PTPRN2: variants seen among roughly 807,000 people sequenced by gnomAD.
PTPRN2 encodes receptor-type tyrosine-protein phosphatase N2.
A neutral mutation model predicts 118.8 loss-of-function variants in PTPRN2; 74 were observed. The observed-to-expected ratio is 0.62, with a 90% CI of 0.52 to 0.76. PTPRN2 has a LOEUF of 0.76. Among genes scored for constraint, PTPRN2 ranks in the 30% least tolerant of loss-of-function variants. The pLI is 0.00. For synonymous variants in PTPRN2, 641 were observed against 608.0 expected, an observed-to-expected ratio of 1.05 and a Z score of -0.80; for missense variants, 1,481 against 1,394.4, an observed-to-expected ratio of 1.06 and a Z score of -0.99.
intron 1 of PTPRN2, among the ~76,000 whole-genome samples, chr7:158,497,380 C>A (rs1822030911): frequency 6.6e-6 from 1 of 150,804 alleles, no homozygotes; most frequent in African/African-American, 2.4e-5. Context: ...TGGAGCCCCC[C>A]AGTAAGTCCT....
At chr7:157,581,778 T>A (rs1168319482) in intron 17 of PTPRN2, among the ~76,000 whole-genome samples, 1 of 152,250 alleles carries the variant, frequency 6.6e-6, no homozygotes, top group Non-Finnish European at 1.5e-5. Context: ...TATCTATGAA[T>A]GTGGCCTTAT....
In PTPRN2 at chr7:158,192,456, A is replaced by G. The variant is rs1825848997; in HGVS notation, c.420T>C (p.Ser140=). 6.3e-7 allele frequency: 1 copy of G among 1,575,140 alleles called. No homozygotes were observed. Among genetic ancestry groups the G allele is most frequent in the African/African-American group, 1.4e-5 (1 of 72,060 alleles). ...TGGCCAGGGCAGCACCGCCCTCCCG[A>G]CTGTACCTCCTCTCGCTGCCAACGC... ...KHSVGSERRY[S]REGGAALANA... Residue 140 remains serine, a synonymous_variant, in exon 5 of 23, where the codon AGT becomes AGC. Transcript: ENST00000389418.
At chr7:158,345,642 G>A (rs1807454229) in intron 2 of PTPRN2, among the ~76,000 whole-genome samples, 1 of 152,190 alleles carries the variant, frequency 6.6e-6, no homozygotes, top group Non-Finnish European at 1.5e-5. Context: ...GGAAACTGAG[G>A]CTGAGGAAGC....
At chr7:157,840,923 CG>C in intron 12 of PTPRN2, among the ~76,000 whole-genome samples, 3 of 152,316 alleles carry the variant, frequency 2.0e-5, no homozygotes. Context: ...GAAGCACCGG[CG>C]GGGGCTGGAG....
intron 6 of PTPRN2, among the ~76,000 whole-genome samples, chr7:158,164,473 C>T (rs1402005779): frequency 2.7e-5 from 4 of 146,422 alleles, no homozygotes; most frequent in African/African-American, 1.0e-4. Context: ...GGAGCGCGCG[C>T]GTAGGAAGGG....
rs558467904 is a variant in PTPRN2, at chr7:158,201,138, T to TC, written c.380+4032dup. On this transcript the variant is annotated intron_variant, in intron 4 of 22. Coordinates refer to ENST00000389418, the MANE Select transcript of PTPRN2 (RefSeq NM_002847.5). The stretch of plus-strand genomic sequence containing the variant: ...TGATCATGACTCACTGCAGCCTCAA[T>TC]CCCCCGGGCTCAGGTGATCCTCTCT... Among the ~76,000 whole-genome samples, 144 of 150,922 alleles carry TC rather than the reference T, an allele frequency of 9.5e-4. 4 individuals carry two copies. In the South Asian group the frequency reaches 0.029, roughly 30 times the overall value.
At chr7:157,931,558 G>A (rs1193112149) in intron 11 of PTPRN2, among the ~76,000 whole-genome samples, 11 of 152,212 alleles carry the variant, frequency 7.2e-5, no homozygotes, top group African/African-American at 2.2e-4. Context: ...GCCTTCGTGT[G>A]GGGCTAGAGC....
intron 1 of PTPRN2, chr7:158,541,843 G>T: frequency 1.7e-6 from 1 of 604,872 alleles, no homozygotes; most frequent in Non-Finnish European, 2.1e-6. Context: ...CCACGCATGC[G>T]CATCACACCT....
At chr7:157,902,236 G>A (rs1296755633) in intron 11 of PTPRN2, among the ~76,000 whole-genome samples, 3 of 152,262 alleles carry the variant, frequency 2.0e-5, no homozygotes, top group African/African-American at 7.2e-5. Context: ...AAGGGCGTCA[G>A]CTGCGGCCAA....
Position 157,868,411 on chromosome 7 carries a change from G to C in PTPRN2, c.1788+30262C>G, listed in dbSNP as rs1172660914. On this transcript the variant is annotated intron_variant, in intron 12 of 22. Coordinates refer to ENST00000389418, the MANE Select transcript of PTPRN2 (RefSeq NM_002847.5). The surrounding 1 kb of genome is among the most constrained non-coding windows in gnomAD (Gnocchi z 5.2). The stretch of plus-strand genomic sequence containing the variant: ...CTGCGGGGCAGCAGCTCATGGCCCA[G>C]CTGTAGGAAAGCAGACCCAGCCTCT... 6.6e-6 allele frequency: 1 copy of C among 152,260 alleles called. No homozygotes were observed. Among genetic ancestry groups the C allele is most frequent in the Admixed American group, 6.5e-5 (1 of 15,286 alleles). The allele number at this position is 152,260 out of a possible 1,614,324, so 9.4% of individuals were successfully genotyped here. A position where few individuals can be genotyped will look rare whatever the true frequency, so the allele number is the denominator to read the frequency against.
intron 11 of PTPRN2, among the ~76,000 whole-genome samples, chr7:157,971,555 C>G (rs139654120): frequency 2.6e-5 from 4 of 152,262 alleles, no homozygotes; most frequent in African/African-American, 9.6e-5. Flanking sequence ...CAGGAACCCC[C>G]CTGGAACGTT....
intron 12 of PTPRN2, among the ~76,000 whole-genome samples, chr7:157,758,836 C>T (rs1387306888): frequency 2.6e-5 from 4 of 152,192 alleles, no homozygotes; most frequent in Non-Finnish European, 4.4e-5. Context: ...CTCCTAGTGG[C>T]TCTGCCTCCC....
intron 1 of PTPRN2, among the ~76,000 whole-genome samples, chr7:158,575,466 G>A (rs1828271021): frequency 6.6e-6 from 1 of 152,210 alleles, no homozygotes; most frequent in South Asian, 2.1e-4. Context: ...CTGGGCTCAA[G>A]TGATCCTCCT....
At chr7:157,910,247 C>T (rs1277766300) in intron 11 of PTPRN2, among the ~76,000 whole-genome samples, 3 of 151,718 alleles carry the variant, frequency 2.0e-5, no homozygotes, top group Admixed American at 1.3e-4. Context: ...GGATCACGCA[C>T]GTACACCGTG....
chr7:158,393,509 G>A (rs921352409), intron 2 of PTPRN2, among the ~76,000 whole-genome samples: 2 of 152,190 alleles, frequency 1.3e-5, no homozygotes, highest in Non-Finnish European at 1.5e-5. Context: ...ACAGGGGATG[G>A]AGGTGTTTCC....
At position 158,015,535 on chromosome 7, in the gene PTPRN2, T is replaced by C. The variant is rs1806385667; in HGVS notation, c.1723+65763A>G. Among the ~76,000 whole-genome samples, 1 of 151,834 alleles carries C rather than the reference T, an allele frequency of 6.6e-6. No individual in the cohort carries two copies. Among genetic ancestry groups the C allele is most frequent in the Non-Finnish European group, 1.5e-5 (1 of 67,974 alleles). ...GGGTGGGAGGAAGACAGAAAGGTCC[T>C]CACCGCCCCCGCCCCTCACCCCTGT... is the stretch of plus-strand genomic sequence containing the variant. On this transcript the variant is annotated intron_variant, in intron 11 of 22. Coordinates refer to ENST00000389418, the MANE Select transcript of PTPRN2 (RefSeq NM_002847.5). The surrounding 1 kb of genome is among the most constrained non-coding windows in gnomAD (Gnocchi z 4.2).
chr7:157,791,898 G>A (rs1242504640), intron 12 of PTPRN2, among the ~76,000 whole-genome samples: 1 of 152,210 alleles, frequency 6.6e-6, no homozygotes, highest in Non-Finnish European at 1.5e-5. Flanking sequence ...AGGGGCGCAC[G>A]CGGATCCCCA....
Position 158,110,933 on chromosome 7 carries a change from G to C in PTPRN2, c.1557-18C>G. Reference sequence around the variant, plus strand: ...GCAGGGGGCTGCGGATGACAGCAGGGATGGGGAGCAGTCACCACAGAGCCA... The same window carrying C: ...GCAGGGGGCTGCGGATGACAGCAGGCATGGGGAGCAGTCACCACAGAGCCA... On this transcript the variant is annotated intron_variant, in intron 9 of 22. Transcript: ENST00000389418. 1 of 1,545,450 alleles carries C rather than the reference G, an allele frequency of 6.5e-7. No individual in the cohort carries two copies. Among genetic ancestry groups the C allele is most frequent in the Admixed American group, 1.9e-5 (1 of 51,914 alleles).
At chr7:158,044,653 C>CCTGTGCTGTGCTGTGCTG (rs1318558385) in intron 11 of PTPRN2, among the ~76,000 whole-genome samples, 6 of 152,206 alleles carry the variant, frequency 3.9e-5, no homozygotes, top group African/African-American at 1.4e-4. Flanking sequence ...CCACAGGGGA[C>CCTGTGCTGTGCTGTGCTG]AAGGAGAACC....
Sources: gnomAD v4.1 joint callset for allele counts (sites outside exome capture counted in the v4.1 genomes callset) on GRCh38, gnomAD v4.1.1 for gene constraint, Gnocchi (gnomAD v3.1) non-coding constraint, MANE v1.5 for transcripts, NCBI Gene and HGNC (gene_info 2026-07-23, HGNC 2026-07-21) for gene names.